USP47: variants seen among roughly 807,000 people sequenced by gnomAD.
USP47 encodes the protein ubiquitin carboxyl-terminal hydrolase 47.
USP47 carries 35 observed loss-of-function variants against 165.1 expected under a neutral mutation model. The ratio of observed to expected loss-of-function variants is 0.21; its 90% CI spans 0.16 to 0.28. The LOEUF is 0.28. Ranked by LOEUF, USP47 falls within the 10% of genes least tolerant of loss-of-function variation. The pLI is 1.00. For synonymous variants in USP47, 531 were observed against 544.5 expected (o/e 0.98, Z 0.35); for missense variants, 1,277 against 1,607.4 (o/e 0.79, Z 3.52).
chr11:11,851,016 C>G (rs1339470025), intron 1 of USP47, among the ~76,000 whole-genome samples: 1 of 152,168 alleles, frequency 6.6e-6, no homozygotes, highest in Non-Finnish European at 1.5e-5. Context: ...CTAATATCAT[C>G]ATATTGGCAA....
At chr11:11,851,776 A>G (rs548982855) in intron 1 of USP47, among the ~76,000 whole-genome samples, 3 of 152,228 alleles carry the variant, frequency 2.0e-5, no homozygotes, top group East Asian at 3.9e-4. Context: ...CAAGATCTTG[A>G]CACTTTTGAA....
At chr11:11,907,653 TATGG>T (rs1479032192) in intron 8 of USP47, among the ~76,000 whole-genome samples, 1 of 152,136 alleles carries the variant, frequency 6.6e-6, no homozygotes, top group East Asian at 1.9e-4. Context: ...GAATTGGAAT[TATGG>T]ATTGCAAAAA....
Position 11,922,884 on chromosome 11 carries a change from T to C in USP47, c.1379T>C (p.Leu460Pro), listed in dbSNP as rs1253292997. 3 of 1,609,428 alleles carry C rather than the reference T, an allele frequency of 1.9e-6. No homozygotes were observed. The highest frequency in any genetic ancestry group is 2.5e-6 in the Non-Finnish European group (3 of 1,177,362). ...SGTEKISKSGLEKNSLIYELF... is the reference protein window; with the variant it reads ...SGTEKISKSGPEKNSLIYELF... ...ACTGAAAAGATCTCAAAATCTGGAC[T>C]TGAAAAGGTACCTTTTATAGTTTGC... The change falls in exon 11 of 28, where the codon CTT (leucine) becomes CCT (proline). Residue 460 changes from leucine to proline, a missense_variant. This residue lies in a region of USP47 where 909 missense variants were observed against 1,068.1 expected (regional missense o/e 0.85). Transcript: ENST00000527733.
At chr11:11,853,590 T>C (rs985303042) in intron 1 of USP47, among the ~76,000 whole-genome samples, 3 of 152,216 alleles carry the variant, frequency 2.0e-5, no homozygotes, top group Non-Finnish European at 2.9e-5. Flanking sequence ...AGATGCGTCC[T>C]CTCTACCTTA....
Position 11,871,828 on chromosome 11 carries a change from C to G in USP47, c.40-8349C>G, listed in dbSNP as rs548703390. 8.5e-5 allele frequency among the ~76,000 whole-genome samples: 13 copies of G among 152,286 alleles called. No homozygotes were observed. In the South Asian group the frequency reaches 2.7e-3, roughly 32 times the overall value. On this transcript the variant is annotated intron_variant, in intron 1 of 27. Transcript: ENST00000527733. ...ACCTGCACTCTCCCTCCCTGCACTG[C>G]AGCCTAGAAGGTGGCTTACCTTTTT... is the stretch of plus-strand genomic sequence containing the variant.
At chr11:11,925,114 T>G (rs922522147) in intron 11 of USP47, among the ~76,000 whole-genome samples, 3 of 149,884 alleles carry the variant, frequency 2.0e-5, no homozygotes, top group African/African-American at 7.3e-5. Flanking sequence ...AGTTTTTGGT[T>G]TTTTTTTTTT....
chr11:11,877,112 A>G (rs963272306), intron 1 of USP47, among the ~76,000 whole-genome samples: 1 of 151,802 alleles, frequency 6.6e-6, no homozygotes, highest in Non-Finnish European at 1.5e-5. Context: ...TGTTTAATTT[A>G]TATTGTATAG....
intron 1 of USP47, among the ~76,000 whole-genome samples, chr11:11,870,224 A>G (rs1408727957): frequency 1.3e-5 from 2 of 151,980 alleles, no homozygotes; most frequent in African/African-American, 4.8e-5. Context: ...AAACCAACTT[A>G]TCACAGTCTA....
chr11:11,842,758 G>A (rs558538462), intron 1 of USP47, among the ~76,000 whole-genome samples: 1 of 151,722 alleles, frequency 6.6e-6, no homozygotes, highest in South Asian at 2.1e-4. Context: ...GGGGCCTACC[G>A]AAGATCGTGG....
chr11:11,932,182 G>C (rs569601167), intron 14 of USP47, among the ~76,000 whole-genome samples: 2 of 152,194 alleles, frequency 1.3e-5, no homozygotes, highest in African/African-American at 4.8e-5. Flanking sequence ...CAAGTTCCGG[G>C]GTTGGGGGAG....
At position 11,960,875 on chromosome 11, in the gene USP47, C is replaced by G. The variant is rs537981397; in HGVS notation, c.*4700C>G. Reference sequence around the variant, plus strand: ...CCTAATGCCTTTTTTCTCTTCCTGTCTTTGTCCCTCACACTACAGCAGGCC... The same window carrying G: ...CCTAATGCCTTTTTTCTCTTCCTGTGTTTGTCCCTCACACTACAGCAGGCC... On this transcript the variant is annotated 3_prime_UTR_variant, in exon 28 of 28. Coordinates refer to ENST00000527733, the MANE Select transcript of USP47 (RefSeq NM_001282659.2). 1.9e-4 allele frequency among the ~76,000 whole-genome samples: 29 copies of G among 152,146 alleles called. 1 individual carries two copies. The highest frequency in any genetic ancestry group is 1.3e-4 in the Admixed American group (2 of 15,280).
intron 8 of USP47, among the ~76,000 whole-genome samples, chr11:11,911,091 C>G (rs1196620985): frequency 1.3e-5 from 2 of 152,086 alleles, no homozygotes; most frequent in Non-Finnish European, 2.9e-5. Flanking sequence ...ATTAAAAACC[C>G]AGTGGATAGG....
intron 1 of USP47, among the ~76,000 whole-genome samples, chr11:11,878,130 G>A (rs775577720): frequency 1.3e-5 from 2 of 152,032 alleles, no homozygotes; most frequent in African/African-American, 4.8e-5. Flanking sequence ...GGAAGGAGAG[G>A]CATCTGGGGT....
In USP47 at chr11:11,905,923, A is replaced by G. The variant is rs182623817; in HGVS notation, c.969+375A>G. On this transcript the variant is annotated intron_variant, in intron 8 of 27. Transcript: ENST00000527733. ...ACTTTGTTTTGGGGGGATTGTTTTG[A>G]TCCATACACTTTTAAAATTGGTAAA... 2.4e-3 allele frequency among the ~76,000 whole-genome samples: 365 copies of G among 151,538 alleles called. 2 individuals carry two copies. The highest frequency in any genetic ancestry group is 0.011 in the South Asian group (51 of 4,792).
chr11:11,895,910 TACTG>T (rs1305076232), intron 4 of USP47, among the ~76,000 whole-genome samples: 1 of 152,190 alleles, frequency 6.6e-6, no homozygotes, highest in Non-Finnish European at 1.5e-5. Flanking sequence ...TCTTCTTGCT[TACTG>T]ACTTATACTA....
rs1438420025 is a variant in USP47 at position 11,948,119 on chromosome 11, A to G, written c.3266A>G (p.Lys1089Arg). ...ETLSSFSDDN[K>R]ITIRLGRALK... ...CTTTCATCATTTTCTGATGACAATA[A>G]GGTTGATTAAAATAATCTTCGAGTA... The change falls in exon 21 of 28, where the codon AAG becomes AGG. Residue 1089 changes from lysine to arginine, a missense_variant and splice_region_variant. Lys to Arg is a conservative substitution (Grantham distance 26). Coordinates refer to ENST00000527733, the MANE Select transcript of USP47 (RefSeq NM_001282659.2). 6.2e-7 allele frequency: 1 copy of G among 1,602,390 alleles called. No homozygotes were observed. Among genetic ancestry groups the G allele is most frequent in the Admixed American group, 1.8e-5 (1 of 56,716 alleles).
intron 1 of USP47, among the ~76,000 whole-genome samples, chr11:11,877,946 T>A (rs961867657): frequency 6.6e-6 from 1 of 151,968 alleles, no homozygotes; most frequent in South Asian, 2.1e-4. Context: ...TTATTTCCAT[T>A]TTTTCCTTTA....
chr11:11,952,630 T>G, intron 24 of USP47, 111 bp from the exon 25 acceptor site: 1 of 1,257,502 alleles, frequency 8.0e-7, no homozygotes, highest in Non-Finnish European at 1.0e-6. Context: ...GCCCACTTTT[T>G]AAGAGTAACA....
intron 1 of USP47, among the ~76,000 whole-genome samples, chr11:11,849,002 C>T (rs1848583952): frequency 6.6e-6 from 1 of 151,948 alleles, no homozygotes. Context: ...TATCCCCAAC[C>T]ACACACAAGC....
Sources: gnomAD v4.1 joint callset for allele counts (sites outside exome capture counted in the v4.1 genomes callset) on GRCh38, gnomAD v4.1.1 for gene constraint, gnomAD v4.1.1 regional missense constraint, MANE v1.5 for transcripts, NCBI Gene and HGNC (gene_info 2026-07-23, HGNC 2026-07-21) for gene names.